The following ENAH variants were observed in gnomAD, a reference collection of about 807,000 sequenced individuals.
ENAH encodes the protein ENAH actin regulator.
Under a neutral mutation model 78.7 loss-of-function variants are expected in ENAH, and 23 were observed. The observed-to-expected ratio is 0.29, with a 90% CI of 0.21 to 0.41. The LOEUF is 0.41. Ranked by LOEUF, ENAH falls within the 10% of genes least tolerant of loss-of-function variation. The probability of loss-of-function intolerance (pLI) is 1.00; values close to 1 mark genes in which losing one functional copy is unlikely to be tolerated. For missense variants in ENAH, 544 were observed against 691.0 expected, an observed-to-expected ratio of 0.79 and a Z score of 2.39; for synonymous variants, 226 against 241.0, an observed-to-expected ratio of 0.94 and a Z score of 0.58.
chr1:225,520,806 A>G (rs2096460924), intron 4 of ENAH, among the ~76,000 whole-genome samples: 1 of 152,080 alleles, frequency 6.6e-6, no homozygotes, highest in Non-Finnish European at 1.5e-5. Context: ...CAGTAAGATA[A>G]GATTGCATCA....
At chr1:225,603,903 A>G (rs770766201) in intron 1 of ENAH, among the ~76,000 whole-genome samples, 16 of 152,242 alleles carry the variant, frequency 1.1e-4, no homozygotes, top group Non-Finnish European at 1.9e-4. Flanking sequence ...ATCAACCACA[A>G]GGAACAAAAA....
chr1:225,617,197 T>C (rs992397180), intron 1 of ENAH, among the ~76,000 whole-genome samples: 1 of 152,164 alleles, frequency 6.6e-6, no homozygotes, highest in African/African-American at 2.4e-5. Context: ...GAAAAGGACA[T>C]TTCCATCTGT....
Position 225,652,467 on chromosome 1 carries a change from G to C in ENAH, c.5+219C>G, listed in dbSNP as rs971412299. The C allele has an allele frequency of 2.6e-5, 25 of 963,824 alleles. No individual in the cohort carries two copies. In the African/African-American group the frequency reaches 4.2e-4, roughly 16 times the overall value. 59.7% of individuals were successfully genotyped at this position (963,824 alleles called of 1,614,324 possible). ...AAGAAGAGCATTTGAGGAAAAATGA[G>C]AGAACGATGAAGCGAGACCCCCAAA... On this transcript the variant is annotated intron_variant, in intron 1 of 13. Transcript: ENST00000366843.
At chr1:225,637,981 T>C (rs539884000) in intron 1 of ENAH, among the ~76,000 whole-genome samples, 1 of 152,324 alleles carries the variant, frequency 6.6e-6, no homozygotes, top group African/African-American at 2.4e-5. Flanking sequence ...TTGAACTTTA[T>C]TTTTTGTTTT....
intron 10 of ENAH, among the ~76,000 whole-genome samples, chr1:225,511,284 T>C (rs181694734): frequency 1.0e-3 from 156 of 152,332 alleles, no homozygotes; most frequent in Middle Eastern, 6.8e-3. Context: ...TTGGATACAG[T>C]ACTCATCAAG....
intron 1 of ENAH, among the ~76,000 whole-genome samples, chr1:225,636,060 A>G (rs1419948966): frequency 6.6e-6 from 1 of 152,218 alleles, no homozygotes; most frequent in Non-Finnish European, 1.5e-5. Flanking sequence ...CATGTAAGCC[A>G]ATTCCTTTAA....
intron 5 of ENAH, chr1:225,518,002 G>A (rs1157807698): frequency 1.3e-6 from 2 of 1,532,420 alleles, no homozygotes; most frequent in Admixed American, 2.0e-5. Context: ...TGGACAGAAG[G>A]TGGAAAGCAG....
Position 225,652,768 on chromosome 1 carries a change from A to C in ENAH, c.-78T>G. The C allele has an allele frequency of 8.3e-7, 1 of 1,202,510 alleles. No individual in the cohort carries two copies. The highest frequency in any genetic ancestry group is 1.1e-6 in the Non-Finnish European group (1 of 943,410). The allele number at this position is 1,202,510 out of a possible 1,614,324, so 74.5% of individuals were successfully genotyped here. A position where few individuals can be genotyped will look rare whatever the true frequency, so the allele number is the denominator to read the frequency against. ...GAGCCGAGGGGGGGGTCTCTCCTCC[A>C]GGGGTGGGGAGCAGCTCGGAGACGG... On this transcript the variant is annotated 5_prime_UTR_variant, in exon 1 of 14. Coordinates refer to ENST00000366843, the MANE Select transcript of ENAH (RefSeq NM_018212.6).
intron 2 of ENAH, among the ~76,000 whole-genome samples, chr1:225,563,252 T>G (rs1224318243): frequency 6.6e-6 from 1 of 152,154 alleles, no homozygotes; most frequent in Non-Finnish European, 1.5e-5. Context: ...AGCTGTTTCT[T>G]TCTTATCAAT....
At chr1:225,619,748 G>A (rs771134179) in intron 1 of ENAH, among the ~76,000 whole-genome samples, 9 of 152,140 alleles carry the variant, frequency 5.9e-5, no homozygotes, top group Non-Finnish European at 1.2e-4. Flanking sequence ...TTAAAACACA[G>A]CTATCAGGTC....
intron 1 of ENAH, among the ~76,000 whole-genome samples, chr1:225,645,252 ATCTG>A (rs1661744110): frequency 6.6e-6 from 1 of 152,212 alleles, no homozygotes. Flanking sequence ...TATTATATAG[ATCTG>A]TCTATTCTGG....
Position 225,514,785 on chromosome 1 carries a change from T to C in ENAH, c.1029A>G (p.Pro343=). ...PPGPPPPPPL[P]STGPPPPPPP... is the part of the protein sequence containing the mutation. ...GAGGGGGCGGTGGAGGCCCGGTGGA[T>C]GGGAGTGGAGGAGGTGGAGGGGGCC... The change falls in exon 7 of 14, where the codon CCA becomes CCG. Residue 343 remains proline (P), a synonymous_variant. Coordinates refer to ENST00000366843, the MANE Select transcript of ENAH (RefSeq NM_018212.6). The C allele has an allele frequency of 2.4e-6, 2 of 819,428 alleles. No homozygotes were observed. Among genetic ancestry groups the C allele is most frequent in the Non-Finnish European group, 1.5e-6 (1 of 677,978 alleles). The allele number at this position is 819,428 out of a possible 1,614,324, so 50.8% of individuals were successfully genotyped here. A position where few individuals can be genotyped will look rare whatever the true frequency, so the allele number is the denominator to read the frequency against.
At chr1:225,512,611 T>C (rs1416609504) in intron 9 of ENAH, 46 bp downstream of exon 9, 1 of 1,561,880 alleles carries the variant, frequency 6.4e-7, no homozygotes, top group Admixed American at 1.8e-5. Flanking sequence ...GAGCTGTGCC[T>C]GAATTCCATA....
intron 1 of ENAH, among the ~76,000 whole-genome samples, chr1:225,632,532 C>G (rs1659286855): frequency 6.6e-6 from 1 of 151,546 alleles, no homozygotes; most frequent in Non-Finnish European, 1.5e-5. Context: ...TCAACATTTC[C>G]AAAGATGAAA....
rs1219457747 is a variant in ENAH at position 225,563,743 on chromosome 1, CCAAACGTGTTCTGTGTTT to C, written c.171+3488_171+3505del. On this transcript the variant is annotated intron_variant, in intron 2 of 13. Coordinates refer to ENST00000366843, the MANE Select transcript of ENAH (RefSeq NM_018212.6). ...TCATAACTGAAGACTGGCTCCTCTC[CCAAACGTGTTCTGTGTTT>C]TGGATATCAAAATTATACAAGCCTT... Among the ~76,000 whole-genome samples the C allele has an allele frequency of 5.9e-5, 9 of 152,130 alleles. No individual in the cohort carries two copies. The East Asian group carries it at 1.7e-3, about 29-fold the overall frequency.
At position 225,569,818 on chromosome 1, in the gene ENAH, T is replaced by C. The variant is rs1186443379; in HGVS notation, c.6-2404A>G. 2.6e-5 allele frequency among the ~76,000 whole-genome samples: 4 copies of C among 152,112 alleles called. No individual in the cohort carries two copies. In the East Asian group the frequency reaches 5.8e-4, roughly 22 times the overall value. ...GAAAAAATAAGCTATGGGTAAGAGC[T>C]GAGGTGTTATTGGAGAGGTAGTAAT... On this transcript the variant is annotated intron_variant, in intron 1 of 13. Coordinates refer to ENST00000366843, the MANE Select transcript of ENAH (RefSeq NM_018212.6).
At chr1:225,504,579 A>G (rs1298564003) in intron 11 of ENAH, among the ~76,000 whole-genome samples, 1 of 152,214 alleles carries the variant, frequency 6.6e-6, no homozygotes, top group African/African-American at 2.4e-5. Flanking sequence ...ATTTACTACA[A>G]AGTATCTAGG....
intron 1 of ENAH, among the ~76,000 whole-genome samples, chr1:225,589,400 A>T (rs148980073): frequency 6.6e-6 from 1 of 152,318 alleles, no homozygotes; most frequent in East Asian, 1.9e-4. Context: ...CTTACTTTTT[A>T]TTTAGAAATG....
At chr1:225,630,539 G>A (rs140955679) in intron 1 of ENAH, among the ~76,000 whole-genome samples, 2 of 152,150 alleles carry the variant, frequency 1.3e-5, no homozygotes, top group African/African-American at 4.8e-5. Flanking sequence ...ATGAACAGTT[G>A]ATATTTGCAC....
Sources: allele counts gnomAD v4.1 joint callset (sites outside exome capture counted in the v4.1 genomes callset), GRCh38; gene constraint gnomAD v4.1.1; transcripts MANE v1.5; gene names NCBI Gene and HGNC (gene_info 2026-07-23, HGNC 2026-07-21).